Variants in BAALC observed in about 807,000 individuals in gnomAD.
BAALC encodes brain and acute leukemia cytoplasmic protein.
In BAALC, 9 loss-of-function variants were observed where a neutral mutation model predicts 15.5. The observed-to-expected ratio is 0.58, with a 90% CI of 0.35 to 1.02. BAALC has a LOEUF of 1.02. BAALC is among the 50% of genes least tolerant of loss of function. The pLI, the probability that BAALC is intolerant of heterozygous loss-of-function variation, is 0.02. For synonymous variants in BAALC, 80 were observed against 74.6 expected, an observed-to-expected ratio of 1.07 and a Z score of -0.37; for missense variants, 201 against 192.4, an observed-to-expected ratio of 1.04 and a Z score of -0.27.
chr8:103,227,124 A>G (rs1563660268), intron 2 of BAALC, among the ~76,000 whole-genome samples: 1 of 152,198 alleles, frequency 6.6e-6, no homozygotes, highest in Non-Finnish European at 1.5e-5. Flanking sequence ...AACCTCTGAT[A>G]GGAAGCATAT....
At chr8:103,155,183 AG>A (rs1455851072) in intron 1 of BAALC, among the ~76,000 whole-genome samples, 6 of 152,224 alleles carry the variant, frequency 3.9e-5, no homozygotes, top group African/African-American at 1.2e-4. Context: ...TGGACCAAAA[AG>A]ATATTAGATT....
chr8:103,195,935 A>G (rs982378585), intron 1 of BAALC, among the ~76,000 whole-genome samples: 4 of 152,206 alleles, frequency 2.6e-5, no homozygotes, highest in Non-Finnish European at 5.9e-5. Flanking sequence ...GAAGTGCACT[A>G]CTGCAGGAGT....
intron 1 of BAALC, among the ~76,000 whole-genome samples, chr8:103,192,001 G>A (rs1416071083): frequency 6.6e-6 from 1 of 152,086 alleles, no homozygotes; most frequent in African/African-American, 2.4e-5. Context: ...TGTCTTATAT[G>A]ACTGCCACAA....
intron 1 of BAALC, among the ~76,000 whole-genome samples, chr8:103,186,473 TA>T (rs887379443): frequency 9.2e-4 from 140 of 152,224 alleles, no homozygotes; most frequent in African/African-American, 3.2e-3. Flanking sequence ...AAAGCGCCAA[TA>T]AAATGCAGTG....
At chr8:103,178,645 T>G (rs111282974) in intron 1 of BAALC, among the ~76,000 whole-genome samples, 10 of 152,162 alleles carry the variant, frequency 6.6e-5, no homozygotes, top group African/African-American at 2.4e-4. Flanking sequence ...GATCACAAGG[T>G]CAGAAGTTCA....
chr8:103,143,496 A>C (rs1297555084), intron 1 of BAALC, among the ~76,000 whole-genome samples: 1 of 152,172 alleles, frequency 6.6e-6, no homozygotes, highest in Non-Finnish European at 1.5e-5. Context: ...TGAAATCAAC[A>C]AAAATGGCTT....
rs1208904296 is a variant in BAALC, at chr8:103,141,046, G to GGCC, written c.149_150insGCC (p.Gly50_Leu51insPro). On this transcript the variant is annotated inframe_insertion, in exon 1 of 3. Coordinates refer to ENST00000309982, the MANE Select transcript of BAALC (RefSeq NM_024812.3). ...CCGGACAGCGGCCCCGAAGCGGGCGGCCTGCACTCGGGTAAGTGGCCGGGC... is the reference window on the plus strand; with the variant it reads ...CCGGACAGCGGCCCCGAAGCGGGCGGGCCCCTGCACTCGGGTAAGTGGCCGGGC... 6.7e-7 allele frequency: 1 copy of GGCC among 1,494,890 alleles called. No individual in the cohort carries two copies. The highest frequency in any genetic ancestry group is 8.9e-7 in the Non-Finnish European group (1 of 1,122,232). 92.6% of individuals were successfully genotyped at this position (1,494,890 alleles called of 1,614,324 possible). A position where few individuals can be genotyped will look rare whatever the true frequency, so the allele number is the denominator to read the frequency against.
At chr8:103,212,812 A>G in intron 1 of BAALC, 107 bp from the exon 2 acceptor site, 3 of 1,237,120 alleles carry the variant, frequency 2.4e-6, no homozygotes, top group Non-Finnish European at 3.3e-6. Context: ...ATTTCTGGCA[A>G]CTTTTGTTTT....
In BAALC at chr8:103,141,029, C is replaced by T. The variant is rs541339333; in HGVS notation, c.132C>T (p.Ser44=). The T allele has an allele frequency of 2.8e-5, 42 of 1,511,038 alleles. No individual in the cohort carries two copies. Among genetic ancestry groups the T allele is most frequent in the Admixed American group, 1.1e-4 (5 of 46,338 alleles). 93.6% of individuals were successfully genotyped at this position (1,511,038 alleles called of 1,614,324 possible). ...DAPPSAAAPD[S]GPEAGGLHSG... ...CGCCCAGCGCCGCCGCCCCGGACAGCGGCCCCGAAGCGGGCGGCCTGCACT... is the reference window on the plus strand; with the variant it reads ...CGCCCAGCGCCGCCGCCCCGGACAGTGGCCCCGAAGCGGGCGGCCTGCACT... The change falls in exon 1 of 3, where the codon AGC becomes AGT. Residue 44 remains serine, a synonymous_variant. Coordinates refer to ENST00000309982, the MANE Select transcript of BAALC (RefSeq NM_024812.3).
chr8:103,213,924 A>G (rs1812506415), intron 2 of BAALC, among the ~76,000 whole-genome samples: 1 of 152,202 alleles, frequency 6.6e-6, no homozygotes, highest in African/African-American at 2.4e-5. Context: ...TGCAAAAGAG[A>G]AAGTTTATTC....
chr8:103,150,440 G>C (rs538235311), intron 1 of BAALC, among the ~76,000 whole-genome samples: 155 of 152,190 alleles, frequency 1.0e-3, no homozygotes, highest in Middle Eastern at 3.4e-3. Flanking sequence ...CTTGAGGTCA[G>C]ACAGGTTGGC....
At chr8:103,192,764 C>T (rs1268066799) in intron 1 of BAALC, among the ~76,000 whole-genome samples, 2 of 152,242 alleles carry the variant, frequency 1.3e-5, no homozygotes, top group African/African-American at 2.4e-5. Context: ...GGATCCTCCA[C>T]ACAGTTCCTG....
chr8:103,162,516 A>G (rs1811249635), intron 1 of BAALC, among the ~76,000 whole-genome samples: 1 of 152,310 alleles, frequency 6.6e-6, no homozygotes, highest in South Asian at 2.1e-4. Context: ...TCCTCACAGC[A>G]TGGTGGCCCA....
intron 1 of BAALC, among the ~76,000 whole-genome samples, chr8:103,159,414 T>C (rs1356689250): frequency 6.6e-6 from 1 of 152,222 alleles, no homozygotes; most frequent in Non-Finnish European, 1.5e-5. Flanking sequence ...TTATAAAGAA[T>C]AACTTTTCCC....
chr8:103,214,433 G>A (rs761863911), intron 2 of BAALC, among the ~76,000 whole-genome samples: 1 of 152,206 alleles, frequency 6.6e-6, no homozygotes, highest in African/African-American at 2.4e-5. Flanking sequence ...AGCAATGCAG[G>A]TTAAGTTTGA....
chr8:103,141,093 C>A (rs1402704840), intron 1 of BAALC, 36 bp downstream of exon 1: 2 of 1,400,666 alleles, frequency 1.4e-6, no homozygotes, highest in South Asian at 3.3e-5. Context: ...CTCGCCCGCC[C>A]GCTACCCCGG....
In BAALC at chr8:103,213,005, T is replaced by G. The variant is rs1241587695; in HGVS notation, c.247T>G (p.Cys83Gly). The G allele has an allele frequency of 6.2e-7, 1 of 1,613,988 alleles. No homozygotes were observed. Among genetic ancestry groups the G allele is most frequent in the African/African-American group, 1.3e-5 (1 of 74,922 alleles). The part of the protein sequence containing the change: ...GIPNPEKKTN[C>G]ETQCPNPQSL... Reference sequence around the variant, plus strand: ...ACCCAACCCAGAGAAGAAGACGAACTGTGAGACCCAGTGCCCAAATCCCCA... The same window carrying G: ...ACCCAACCCAGAGAAGAAGACGAACGGTGAGACCCAGTGCCCAAATCCCCA... Residue 83 changes from cysteine to glycine, a missense_variant, in exon 2 of 3, where the codon TGT (cysteine) becomes GGT (glycine). Physicochemically the swap from Cys to Gly is radical, Grantham distance 159 (BLOSUM62 -3). Transcript: ENST00000309982.
At chr8:103,178,990 A>G (rs1563644946) in intron 1 of BAALC, among the ~76,000 whole-genome samples, 1 of 152,220 alleles carries the variant, frequency 6.6e-6, no homozygotes, top group African/African-American at 2.4e-5. Flanking sequence ...TAAATTAAAT[A>G]CAAAACTAGT....
chr8:103,183,303 T>A, intron 1 of BAALC: 1 of 701,194 alleles, frequency 1.4e-6, no homozygotes. Flanking sequence ...ACATGGAATG[T>A]CTTATTTCCC....
Sources: allele counts gnomAD v4.1 joint callset (sites outside exome capture counted in the v4.1 genomes callset), GRCh38; gene constraint gnomAD v4.1.1; transcripts MANE v1.5; gene names NCBI Gene and HGNC (gene_info 2026-07-23, HGNC 2026-07-21).